Variants in PDGFB observed in about 807,000 individuals in gnomAD.
The protein encoded by PDGFB is platelet derived growth factor subunit B.
Under a neutral mutation model 29.0 loss-of-function variants are expected in PDGFB, and 6 were observed. The observed-to-expected ratio is 0.21, with a 90% CI of 0.11 to 0.41. PDGFB has a LOEUF of 0.41. Ranked by LOEUF, PDGFB falls within the 10% of genes least tolerant of loss-of-function variation. The pLI, the probability that PDGFB is intolerant of heterozygous loss-of-function variation, is 1.00. For synonymous variants in PDGFB, 144 were observed against 140.8 expected (o/e 1.02, Z -0.16); for missense variants, 299 against 341.8 (o/e 0.87, Z 0.99).
intron 5 of PDGFB, 122 bp downstream of exon 5, chr22:39,229,962 G>A: frequency 8.5e-7 from 1 of 1,174,026 alleles, no homozygotes; most frequent in Non-Finnish European, 1.2e-6. Context: ...AAGATGAAAA[G>A]AAAGCCTCCC....
chr22:39,228,886 C>CAAAAAAAAAA (rs34953400), intron 5 of PDGFB, among the ~76,000 whole-genome samples: 181 of 72,530 alleles, frequency 2.5e-3, no homozygotes, highest in Middle Eastern at 8.5e-3. Flanking sequence ...GAGACTGCCT[C>CAAAAAAAAAA]AAAAAAAATA....
In PDGFB at chr22:39,235,859, C is replaced by T. The variant is rs1275509756; in HGVS notation, c.79G>A (p.Glu27Lys). 5.6e-6 allele frequency: 9 copies of T among 1,613,394 alleles called. No individual in the cohort carries two copies. Among genetic ancestry groups the T allele is most frequent in the Admixed American group, 1.7e-5 (1 of 59,952 alleles). Residue 27 changes from glutamate to lysine, a missense_variant, in exon 2 of 7, where the codon GAG (glutamate) becomes AAG (lysine). Physicochemically the swap from Glu to Lys is moderately conservative, Grantham distance 56. Coordinates refer to ENST00000331163, the MANE Select transcript of PDGFB (RefSeq NM_002608.4). ...LVSAEGDPIP[E>K]ELYEMLSDHS... ...TCACTCAGCATCTCATAAAGCTCCTCGGGAATGGGGTCCCCCTGCCGGGCA... is the reference window on the plus strand; with the variant it reads ...TCACTCAGCATCTCATAAAGCTCCTTGGGAATGGGGTCCCCCTGCCGGGCA...
rs1350787166 is a variant in PDGFB, at chr22:39,243,163, C to G, written c.63+738G>C. 1.7e-5 allele frequency: 4 copies of G among 233,154 alleles called. No individual in the cohort carries two copies. Among genetic ancestry groups the G allele is most frequent in the Non-Finnish European group, 3.4e-5 (4 of 118,062 alleles). The allele number at this position is 233,154 out of a possible 1,614,324, so 14.4% of individuals were successfully genotyped here. A position where few individuals can be genotyped will look rare whatever the true frequency, so the allele number is the denominator to read the frequency against. On this transcript the variant is annotated intron_variant, in intron 1 of 6. Transcript: ENST00000331163. The surrounding 1 kb of genome is among the most constrained non-coding windows in gnomAD (Gnocchi z 6.4). ...CAGCGCCCCGGGGGCTGGATTCCTT[C>G]AGAGCCCCTAGTCCTCCCCCTACCC...
rs527458635 is a variant in PDGFB at position 39,227,242 on chromosome 22, C to T, written c.602-1395G>A. On this transcript the variant is annotated intron_variant, in intron 5 of 6. Transcript: ENST00000331163. ...CCAAAGTGCTGGGATTACAGGCATA[C>T]GCCATGACACCTGGTTAATTTTTGT... Among the ~76,000 whole-genome samples, 21 of 150,618 alleles carry T rather than the reference C, an allele frequency of 1.4e-4. 1 individual carries two copies. Among genetic ancestry groups the T allele is most frequent in the African/African-American group, 3.7e-4 (15 of 40,428 alleles).
chr22:39,227,756 C>T (rs2146432762), intron 5 of PDGFB, among the ~76,000 whole-genome samples: 1 of 152,324 alleles, frequency 6.6e-6, no homozygotes, highest in Non-Finnish European at 1.5e-5. Context: ...GCTGTGTCTG[C>T]TGAGCTCAAG....
At position 39,244,632 on chromosome 22, in the gene PDGFB, T is replaced by G. The variant is rs2146460304; in HGVS notation, c.-669A>C. On this transcript the variant is annotated 5_prime_UTR_variant, in exon 1 of 7. Transcript: ENST00000331163. This position sits in a 1 kb window ranked among gnomAD's most constrained non-coding sequence, Gnocchi z 4.5. ...TGCTCCGCGCGCGCGGCGTGCCCGC[T>G]GCGCGCTCGGCTGGGCCCGGCCGAC... 4 of 155,454 alleles carry G rather than the reference T, an allele frequency of 2.6e-5. No homozygotes were observed. The Middle Eastern group carries it at 8.3e-3, about 324-fold the overall frequency. 9.6% of individuals were successfully genotyped at this position (155,454 alleles called of 1,614,324 possible).
At position 39,228,400 on chromosome 22, in the gene PDGFB, G is replaced by C. The variant is rs1264466671; in HGVS notation, c.601+1684C>G. 2.0e-5 allele frequency among the ~76,000 whole-genome samples: 3 copies of C among 151,208 alleles called. No individual in the cohort carries two copies. In the South Asian group the frequency reaches 6.3e-4, roughly 32 times the overall value. ...ACCCAGGAGTTAGAGACCAGCCTGA[G>C]CAACGAATCAAGACCTCATCTCTAC... On this transcript the variant is annotated intron_variant, in intron 5 of 6. Coordinates refer to ENST00000331163, the MANE Select transcript of PDGFB (RefSeq NM_002608.4).
chr22:39,236,439 C>A (rs889695983), intron 1 of PDGFB, among the ~76,000 whole-genome samples: 1 of 152,174 alleles, frequency 6.6e-6, no homozygotes, highest in East Asian at 1.9e-4. Context: ...CAGGTCCTAG[C>A]GGTATCTATG....
In PDGFB at chr22:39,243,571, A is replaced by T. The variant is rs1046685156; in HGVS notation, c.63+330T>A. ...CGCTGCCTTCTGCACCCTGGGCACC[A>T]CCCCACCCCCTCTCCCCCGGCCGGG... On this transcript the variant is annotated intron_variant, in intron 1 of 6. Transcript: ENST00000331163. This position sits in a 1 kb window ranked among gnomAD's most constrained non-coding sequence, Gnocchi z 6.4. Among the ~76,000 whole-genome samples, 1 of 150,926 alleles carries T rather than the reference A, an allele frequency of 6.6e-6. No individual in the cohort carries two copies. The highest frequency in any genetic ancestry group is 6.6e-5 in the Admixed American group (1 of 15,194).
chr22:39,235,749 C>G, intron 2 of PDGFB, 29 bp downstream of exon 2: 6 of 1,530,302 alleles, frequency 3.9e-6, no homozygotes, highest in Non-Finnish European at 5.4e-6. Flanking sequence ...CCTCGGAGGG[C>G]CGGAGCGCGG....
At chr22:39,236,244 C>T (rs6001511) in intron 1 of PDGFB, among the ~76,000 whole-genome samples, 3,372 of 152,350 alleles carry the variant, frequency 0.022, 116 homozygotes, top group African/African-American at 0.076. Flanking sequence ...CAGCCAGCAT[C>T]TCCCATGGCC....
rs1932312296 is a variant in PDGFB, at chr22:39,231,772, C to T, written c.306G>A (p.Glu102=). 1.9e-6 allele frequency: 3 copies of T among 1,613,744 alleles called. No homozygotes were observed. In the African/African-American group the frequency reaches 4.0e-5, roughly 22 times the overall value. The stretch of plus-strand genomic sequence containing the variant: ...TGAGGCGCCGGGAGATCTCGAACAC[C>T]TCGGTGCGCGTCTTGCACTCGGCGA... The part of the protein sequence containing the change: ...AMIAECKTRT[E]VFEISRRLID... The change falls in exon 4 of 7, where the codon GAG becomes GAA. Residue 102 remains glutamate (E), a synonymous_variant. Transcript: ENST00000331163. This position sits in a 1 kb window ranked among gnomAD's most constrained non-coding sequence, Gnocchi z 4.3.
At position 39,242,688 on chromosome 22, in the gene PDGFB, G is replaced by T. The variant is rs1932596133; in HGVS notation, c.63+1213C>A. The stretch of plus-strand genomic sequence containing the variant: ...CAACCTGCGCTGGCGGCAGCCCAAG[G>T]CCGGGCCGCGGCCTCCGAGCCCTCC... On this transcript the variant is annotated intron_variant, in intron 1 of 6. Transcript: ENST00000331163. The surrounding 1 kb of genome is among the most constrained non-coding windows in gnomAD (Gnocchi z 5.7). Among the ~76,000 whole-genome samples, 1 of 151,880 alleles carries T rather than the reference G, an allele frequency of 6.6e-6. No homozygotes were observed. Among genetic ancestry groups the T allele is most frequent in the South Asian group, 2.1e-4 (1 of 4,822 alleles).
chr22:39,242,271 T>C lies in PDGFB; in HGVS notation c.63+1630A>G. On this transcript the variant is annotated intron_variant, in intron 1 of 6. Transcript: ENST00000331163. This position sits in a 1 kb window ranked among gnomAD's most constrained non-coding sequence, Gnocchi z 5.7. Reference sequence around the variant, plus strand: ...CCGCCCGCCGGAGCGCAGCATCGCCTCCGGCCAGGAGTGTGCATGCGTGGG... The same window carrying C: ...CCGCCCGCCGGAGCGCAGCATCGCCCCCGGCCAGGAGTGTGCATGCGTGGG... 5.5e-6 allele frequency: 1 copy of C among 180,278 alleles called. No homozygotes were observed. The highest frequency in any genetic ancestry group is 6.3e-5 in the Admixed American group (1 of 15,904). 11.2% of individuals were successfully genotyped at this position (180,278 alleles called of 1,614,324 possible). A position where few individuals can be genotyped will look rare whatever the true frequency, so the allele number is the denominator to read the frequency against.
chr22:39,238,895 G>A (rs879335210), intron 1 of PDGFB, among the ~76,000 whole-genome samples: 5 of 152,256 alleles, frequency 3.3e-5, no homozygotes, highest in African/African-American at 9.6e-5. Flanking sequence ...GGGGGAGGCC[G>A]GGGATGCCGC....
chr22:39,235,787 CTCCGTGCAGCAGGCG>C lies in PDGFB; in HGVS notation c.136_150del (p.Arg46_Gly50del). On this transcript the variant is annotated inframe_deletion, in exon 2 of 7. Transcript: ENST00000331163. Reference sequence around the variant, plus strand: ...CGAGGATTCCATTTACCTCCGGGGTCTCCGTGCAGCAGGCGTTGGAGATCATCAAAGGAGCGGATC... The same window carrying C: ...CGAGGATTCCATTTACCTCCGGGGTCTTGGAGATCATCAAAGGAGCGGATC... 1 of 1,613,036 alleles carries C rather than the reference CTCCGTGCAGCAGGCG, an allele frequency of 6.2e-7. No homozygotes were observed. Among genetic ancestry groups the C allele is most frequent in the Middle Eastern group, 1.6e-4 (1 of 6,062 alleles).
At chr22:39,229,975 G>A in intron 5 of PDGFB, 109 bp downstream of exon 5, 4 of 1,283,832 alleles carry the variant, frequency 3.1e-6, no homozygotes, top group Non-Finnish European at 4.3e-6. Flanking sequence ...AGCCTCCCGT[G>A]AATTTAACCG....
chr22:39,244,039 GCTGGGGA>G lies in PDGFB; in HGVS notation c.-83_-77del. On this transcript the variant is annotated 5_prime_UTR_variant, in exon 1 of 7. Coordinates refer to ENST00000331163, the MANE Select transcript of PDGFB (RefSeq NM_002608.4). This position sits in a 1 kb window ranked among gnomAD's most constrained non-coding sequence, Gnocchi z 4.5. ...GCCGCCCCCGCGGCCAGGGTGGGGG[GCTGGGGA>G]GGGGGGTGGGCTCGGCTCGGGTCCG... is the stretch of plus-strand genomic sequence containing the variant. 1 of 810,492 alleles carries G rather than the reference GCTGGGGA, an allele frequency of 1.2e-6. No homozygotes were observed. Among genetic ancestry groups the G allele is most frequent in the East Asian group, 3.2e-5 (1 of 30,966 alleles). 50.2% of individuals were successfully genotyped at this position (810,492 alleles called of 1,614,324 possible).
At chr22:39,235,712 C>G in intron 2 of PDGFB, 66 bp downstream of exon 2, 1 of 1,145,048 alleles carries the variant, frequency 8.7e-7, no homozygotes, top group African/African-American at 1.5e-5. Flanking sequence ...GCCTCCTGTC[C>G]TGCCCCTCCC....
Sources: gnomAD v4.1 joint callset for allele counts (sites outside exome capture counted in the v4.1 genomes callset) on GRCh38, gnomAD v4.1.1 for gene constraint, Gnocchi (gnomAD v3.1) non-coding constraint, MANE v1.5 for transcripts, NCBI Gene and HGNC (gene_info 2026-07-23, HGNC 2026-07-21) for gene names.